Variants in ZBTB21 observed in about 807,000 individuals in gnomAD.
ZBTB21 encodes zinc finger and BTB domain containing 21.
Under a neutral mutation model 39.8 loss-of-function variants are expected in ZBTB21, and 10 were observed. The observed-to-expected ratio is 0.25, with a 90% CI of 0.16 to 0.43. The LOEUF (loss-of-function observed/expected upper bound fraction) is 0.43, where lower values mean the gene tolerates loss of function less well. Among genes scored for constraint, ZBTB21 ranks in the 20% least tolerant of loss-of-function variants. The pLI is 1.00. For synonymous variants in ZBTB21, 551 were observed against 498.8 expected, an observed-to-expected ratio of 1.10 and a Z score of -1.40; for missense variants, 1,221 against 1,296.3, an observed-to-expected ratio of 0.94 and a Z score of 0.89.
At chr21:41,997,976 G>GCAA (rs1222518893) in intron 2 of ZBTB21, among the ~76,000 whole-genome samples, 1 of 151,990 alleles carries the variant, frequency 6.6e-6, no homozygotes, top group Non-Finnish European at 1.5e-5. Flanking sequence ...CAGGGTTGTT[G>GCAA]CAAAGAGTTC....
chr21:41,996,652 G>C (rs929589541), intron 2 of ZBTB21, among the ~76,000 whole-genome samples: 2 of 152,214 alleles, frequency 1.3e-5, no homozygotes, highest in African/African-American at 4.8e-5. Context: ...GGACTGTTGG[G>C]AACGCATGAT....
chr21:41,996,131 G>A (rs528743516), intron 2 of ZBTB21, among the ~76,000 whole-genome samples: 3 of 152,350 alleles, frequency 2.0e-5, no homozygotes, highest in Admixed American at 6.5e-5. Context: ...CCCCCACATA[G>A]AGTCCCCACT....
In ZBTB21 at chr21:41,989,033, G is replaced by A. The variant is rs971046022; in HGVS notation, c.*1862C>T. The A allele has an allele frequency of 6.6e-6, 1 of 152,112 alleles. No individual in the cohort carries two copies. Among genetic ancestry groups the A allele is most frequent in the South Asian group, 2.1e-4 (1 of 4,828 alleles). 9.4% of individuals were successfully genotyped at this position (152,112 alleles called of 1,614,324 possible). A position where few individuals can be genotyped will look rare whatever the true frequency, so the allele number is the denominator to read the frequency against. The stretch of plus-strand genomic sequence containing the variant: ...ACAATAATCCATCCTGATGTTTCAT[G>A]TAAACCCATATGCTTTAGTTTTATC... On this transcript the variant is annotated 3_prime_UTR_variant, in exon 3 of 3. Transcript: ENST00000310826.
intron 2 of ZBTB21, among the ~76,000 whole-genome samples, chr21:41,999,865 A>T (rs2065797214): frequency 6.6e-6 from 1 of 152,170 alleles, no homozygotes; most frequent in African/African-American, 2.4e-5. Context: ...CCTCCAGAAG[A>T]ACTTTATTTT....
chr21:41,992,717 G>A lies in ZBTB21; in HGVS notation c.1379C>T (p.Ser460Leu), dbSNP rs778486875. Residue 460 changes from serine to leucine, a missense_variant, in exon 3 of 3, where the codon TCG becomes TTG. Physicochemically the swap from Ser to Leu is moderately radical, Grantham distance 145. Around this residue, in one of 4 missense-constraint regions of ZBTB21, gnomAD observed 500 missense variants for 465.6 expected, o/e 1.07. Transcript: ENST00000310826. The surrounding 1 kb of genome is among the most constrained non-coding windows in gnomAD (Gnocchi z 4.1). ...CAGAGACAGGTCTCTTGTGACCGAC[G>A]AAGATGAGGCAGCTGCTGTTGTTGC... ...DAATTAAASS[S>L]SVTRDLSLKT... The A allele has an allele frequency of 6.2e-6, 10 of 1,614,020 alleles. No homozygotes were observed. Among genetic ancestry groups the A allele is most frequent in the South Asian group, 3.3e-5 (3 of 91,080 alleles).
rs1281482427 is a variant in ZBTB21, at chr21:41,993,583, G to C, written c.513C>G (p.Ser171Arg). The C allele has an allele frequency of 3.1e-6, 5 of 1,614,230 alleles. No individual in the cohort carries two copies. The highest frequency in any genetic ancestry group is 2.2e-5 in the East Asian group (1 of 44,886). The change falls in exon 3 of 3, where the codon AGC (serine) becomes AGG (arginine). Residue 171 changes from serine (S) to arginine (R), a missense_variant. Around this residue, in one of 4 missense-constraint regions of ZBTB21, gnomAD observed 500 missense variants for 465.6 expected, o/e 1.07. Coordinates refer to ENST00000310826, the MANE Select transcript of ZBTB21 (RefSeq NM_001098402.2). ...KTVSQNQPDV[S>R]HTSRPSPSIA... Reference sequence around the variant, plus strand: ...TGCTAGGAGAGGGCCGGGAAGTATGGCTTACATCGGGTTGATTTTGACTAA... The same window carrying C: ...TGCTAGGAGAGGGCCGGGAAGTATGCCTTACATCGGGTTGATTTTGACTAA...
At position 41,993,086 on chromosome 21, in the gene ZBTB21, T is replaced by A; in HGVS notation, c.1010A>T (p.Lys337Met). The A allele has an allele frequency of 6.2e-7, 1 of 1,614,228 alleles. No individual in the cohort carries two copies. The highest frequency in any genetic ancestry group is 1.1e-5 in the South Asian group (1 of 91,086). Reference protein sequence around the residue: ...QSIDRSGPLVKSLLRRSLSMD... With the variant: ...QSIDRSGPLVMSLLRRSLSMD... ...CGACAATGACCGTCTGAGGAGACTC[T>A]TAACAAGTGGGCCACTCCTGTCAAT... The change falls in exon 3 of 3, where the codon AAG becomes ATG. Residue 337 changes from lysine (K) to methionine (M), a missense_variant. Coordinates refer to ENST00000310826, the MANE Select transcript of ZBTB21 (RefSeq NM_001098402.2).
chr21:41,994,882 TTC>T (rs1361019679), intron 2 of ZBTB21, among the ~76,000 whole-genome samples: 2 of 152,232 alleles, frequency 1.3e-5, no homozygotes, highest in Admixed American at 1.3e-4. Context: ...TCTCGTTCTC[TTC>T]TCATGATAGT....
Position 41,987,942 on chromosome 21 carries a change from A to G in ZBTB21, c.*2953T>C, listed in dbSNP as rs758588789. The G allele has an allele frequency of 1.3e-5, 2 of 152,222 alleles. No individual in the cohort carries two copies. The highest frequency in any genetic ancestry group is 1.9e-4 in the East Asian group (1 of 5,200). 9.4% of individuals were successfully genotyped at this position (152,222 alleles called of 1,614,324 possible). A position where few individuals can be genotyped will look rare whatever the true frequency, so the allele number is the denominator to read the frequency against. On this transcript the variant is annotated 3_prime_UTR_variant, in exon 3 of 3. Transcript: ENST00000310826. ...ACGGTCACTCATTAAGTGCTGGGGC[A>G]CATTTTTACAGGCAAGGCTATAAAC...
At chr21:42,007,056 A>C (rs1259250558) in intron 1 of ZBTB21, among the ~76,000 whole-genome samples, 1 of 152,248 alleles carries the variant, frequency 6.6e-6, no homozygotes, top group African/African-American at 2.4e-5. Flanking sequence ...TGACTACTTC[A>C]TCTTATAACG....
chr21:42,007,540 A>G (rs1039225345), intron 1 of ZBTB21, among the ~76,000 whole-genome samples: 13 of 152,146 alleles, frequency 8.5e-5, no homozygotes, highest in Admixed American at 5.2e-4. Context: ...CTTTCGAAAG[A>G]TCCAGTTGAA....
chr21:41,993,691 C>A lies in ZBTB21; in HGVS notation c.405G>T (p.Val135=). Residue 135 remains valine (V), a synonymous_variant, in exon 3 of 3, where the codon GTG becomes GTT. Coordinates refer to ENST00000310826, the MANE Select transcript of ZBTB21 (RefSeq NM_001098402.2). ...AACTGTTTTCATCATCTTCTACAAA[C>A]ACTTTTTTTCTATTAGGACACGTTG... ...PFPTCPNRKK[V]FVEDDENSSQ... The A allele has an allele frequency of 6.2e-7, 1 of 1,614,072 alleles. No homozygotes were observed. Among genetic ancestry groups the A allele is most frequent in the Middle Eastern group, 1.7e-4 (1 of 6,060 alleles).
chr21:41,996,051 T>C (rs2065742102), intron 2 of ZBTB21, among the ~76,000 whole-genome samples: 1 of 152,180 alleles, frequency 6.6e-6, no homozygotes, highest in Non-Finnish European at 1.5e-5. Flanking sequence ...CTGTGTCCCC[T>C]CCATGAGGGG....
chr21:41,993,849 C>A lies in ZBTB21; in HGVS notation c.247G>T (p.Val83Phe). The change falls in exon 3 of 3, where the codon GTT becomes TTT. Residue 83 changes from valine (V) to phenylalanine (F), a missense_variant. By Grantham distance (50) the Val-to-Phe change is conservative. Coordinates refer to ENST00000310826, the MANE Select transcript of ZBTB21 (RefSeq NM_001098402.2). ...GAGGAAGAATAAATGTAGTTTAAAA[C>A]ATTATCAAAAGCATCTGGCTCACAG... ...DFCEPDAFDN[V>F]LNYIYSSSLF... 1.9e-6 allele frequency: 3 copies of A among 1,614,074 alleles called. No homozygotes were observed. The highest frequency in any genetic ancestry group is 2.5e-6 in the Non-Finnish European group (3 of 1,180,010).
At chr21:42,007,736 T>C (rs1485903637) in intron 1 of ZBTB21, 1 of 152,246 alleles carries the variant, frequency 6.6e-6, no homozygotes, top group East Asian at 1.9e-4. Flanking sequence ...GTATCCCTGA[T>C]GCCCAGCACA....
intron 2 of ZBTB21, among the ~76,000 whole-genome samples, chr21:41,999,199 AAC>A (rs1050266741): frequency 4.6e-5 from 7 of 152,226 alleles, no homozygotes; most frequent in African/African-American, 1.4e-4. Context: ...GAAAAGCTGT[AAC>A]ACAGAATTAA....
In ZBTB21 at chr21:41,993,522, G is replaced by T. The variant is rs139205397; in HGVS notation, c.574C>A (p.Pro192Thr). 2.1e-3 allele frequency: 3,386 copies of T among 1,614,186 alleles called. 9 individuals are homozygous for T. Among genetic ancestry groups the T allele is most frequent in the Non-Finnish European group, 2.7e-3 (3,169 of 1,180,032 alleles). The change falls in exon 3 of 3, where the codon CCA becomes ACA. Residue 192 changes from proline to threonine, a missense_variant. Pro to Thr is a conservative substitution (Grantham distance 38, BLOSUM62 -1). Transcript: ENST00000310826. Reference sequence around the variant, plus strand: ...TTATGAAGTGGTTCTATTGGTTTTGGGACATGTGGCTTATTGGTATTGGCC... The same window carrying T: ...TTATGAAGTGGTTCTATTGGTTTTGTGACATGTGGCTTATTGGTATTGGCC... Reference protein sequence around the residue: ...VKANTNKPHVPKPIEPLHNLS... With the variant: ...VKANTNKPHVTKPIEPLHNLS...
At position 41,997,458 on chromosome 21, in the gene ZBTB21, C is replaced by T. The variant is rs142139381; in HGVS notation, c.-13-3350G>A. Among the ~76,000 whole-genome samples the T allele has an allele frequency of 2.5e-3, 382 of 151,948 alleles. 4 individuals carry two copies. Among genetic ancestry groups the T allele is most frequent in the African/African-American group, 8.8e-3 (366 of 41,446 alleles). Reference sequence around the variant, plus strand: ...GAGGGTGGTGGCATGTGCCTGTAATCCCAGCTACTCAGGAGGCTGAAGCAT... The same window carrying T: ...GAGGGTGGTGGCATGTGCCTGTAATTCCAGCTACTCAGGAGGCTGAAGCAT... On this transcript the variant is annotated intron_variant, in intron 2 of 2. Coordinates refer to ENST00000310826, the MANE Select transcript of ZBTB21 (RefSeq NM_001098402.2).
At position 41,987,574 on chromosome 21, in the gene ZBTB21, C is replaced by G. The variant is rs989605663; in HGVS notation, c.*3321G>C. On this transcript the variant is annotated 3_prime_UTR_variant, in exon 3 of 3. Transcript: ENST00000310826. ...TATTGCAGAAACATCACTGAGACAT[C>G]GTAAATTGTCAAACTGACTTGTAAT... 6.6e-6 allele frequency: 1 copy of G among 152,096 alleles called. No individual in the cohort carries two copies. The highest frequency in any genetic ancestry group is 2.1e-4 in the South Asian group (1 of 4,820). The allele number at this position is 152,096 out of a possible 1,614,324, so 9.4% of individuals were successfully genotyped here.
Sources: gnomAD v4.1 joint callset for allele counts (sites outside exome capture counted in the v4.1 genomes callset) on GRCh38, gnomAD v4.1.1 for gene constraint, gnomAD v4.1.1 regional missense constraint, Gnocchi (gnomAD v3.1) non-coding constraint, MANE v1.5 for transcripts, NCBI Gene and HGNC (gene_info 2026-07-23, HGNC 2026-07-21) for gene names.